Variants in TCF7L1 observed in about 807,000 individuals in gnomAD.
TCF7L1 encodes the protein transcription factor 7 like 1, also known as transcription factor 7-like 1.
Under a neutral mutation model 63.7 loss-of-function variants are expected in TCF7L1, and 18 were observed. That is an observed-to-expected ratio of 0.28 (90% confidence interval 0.20 to 0.42). The LOEUF (loss-of-function observed/expected upper bound fraction) is 0.42. TCF7L1 is among the 10% of genes least tolerant of loss of function. The pLI is 1.00. For missense variants in TCF7L1, 654 were observed against 779.3 expected (o/e 0.84, Z 1.91); for synonymous variants, 355 against 340.9 (o/e 1.04, Z -0.46).
In TCF7L1 at chr2:85,308,965, G is replaced by T; in HGVS notation, c.1334-64G>T. On this transcript the variant is annotated intron_variant, in intron 11 of 11. Transcript: ENST00000282111. ...CCAAAGCACATGTATCGCCAGGGCT[G>T]TTCCTCAGCCTCCTCCTCTCACAGA... 7.9e-6 allele frequency: 12 copies of T among 1,510,836 alleles called. 1 individual carries two copies. The South Asian group carries it at 1.4e-4, about 18-fold the overall frequency. The allele number at this position is 1,510,836 out of a possible 1,614,324, so 93.6% of individuals were successfully genotyped here. A position where few individuals can be genotyped will look rare whatever the true frequency, so the allele number is the denominator to read the frequency against.
chr2:85,162,809 T>C (rs964519513), intron 3 of TCF7L1, among the ~76,000 whole-genome samples: 3 of 152,178 alleles, frequency 2.0e-5, no homozygotes, highest in African/African-American at 7.2e-5. Flanking sequence ...ACCTTTGAGC[T>C]GCTGGCACGG....
At chr2:85,226,767 A>G (rs1282103823) in intron 3 of TCF7L1, among the ~76,000 whole-genome samples, 1 of 150,760 alleles carries the variant, frequency 6.6e-6, no homozygotes, top group Non-Finnish European at 1.5e-5. Context: ...GGATCACTGC[A>G]GTAGTGCCCC....
intron 4 of TCF7L1, among the ~76,000 whole-genome samples, chr2:85,286,086 G>T (rs1414873392): frequency 1.3e-5 from 2 of 151,718 alleles, no homozygotes; most frequent in Non-Finnish European, 2.9e-5. Context: ...AACTACTCAG[G>T]AGGCTGAGGC....
rs1231652482 is a variant in TCF7L1, at chr2:85,133,988, C to G, written c.250-28C>G. 4.4e-6 allele frequency: 7 copies of G among 1,602,668 alleles called. No homozygotes were observed. The highest frequency in any genetic ancestry group is 1.4e-5 in the African/African-American group (1 of 74,024). On this transcript the variant is annotated intron_variant, in intron 1 of 11. Coordinates refer to ENST00000282111, the MANE Select transcript of TCF7L1 (RefSeq NM_031283.3). This position sits in a 1 kb window ranked among gnomAD's most constrained non-coding sequence, Gnocchi z 4.4. ...GATCCCGGCCCTGCGTCCGCTCACC[C>G]GCTCTTGCCTTTGTGTCTCCTCCGC...
intron 3 of TCF7L1, among the ~76,000 whole-genome samples, chr2:85,264,241 G>A (rs966485475): frequency 3.1e-4 from 47 of 152,328 alleles, no homozygotes; most frequent in African/African-American, 8.9e-4. Context: ...TTAATTCAGC[G>A]TGTATCTGAG....
At chr2:85,246,063 A>G (rs1263831473) in intron 3 of TCF7L1, among the ~76,000 whole-genome samples, 1 of 151,918 alleles carries the variant, frequency 6.6e-6, no homozygotes, top group African/African-American at 2.4e-5. Flanking sequence ...ACTCAATGCA[A>G]TGGTGTTATT....
intron 3 of TCF7L1, among the ~76,000 whole-genome samples, chr2:85,212,534 T>C (rs1679589795): frequency 6.6e-6 from 1 of 152,130 alleles, no homozygotes; most frequent in Non-Finnish European, 1.5e-5. Context: ...AGCCTGGGGA[T>C]TGATGGACTT....
intron 3 of TCF7L1, among the ~76,000 whole-genome samples, chr2:85,199,125 G>T (rs990054146): frequency 6.6e-6 from 1 of 152,182 alleles, no homozygotes; most frequent in Non-Finnish European, 1.5e-5. Flanking sequence ...CCTACCACCT[G>T]TGCTGAGAGG....
chr2:85,182,986 A>G (rs377579104), intron 3 of TCF7L1, among the ~76,000 whole-genome samples: 10 of 152,196 alleles, frequency 6.6e-5, no homozygotes, highest in South Asian at 2.1e-4. Flanking sequence ...TCCCCGCTCT[A>G]GGGCTTCGTG....
At chr2:85,171,761 T>G (rs1463875775) in intron 3 of TCF7L1, among the ~76,000 whole-genome samples, 2 of 152,230 alleles carry the variant, frequency 1.3e-5, no homozygotes, top group African/African-American at 4.8e-5. Flanking sequence ...CCAAATAATT[T>G]GGACTCTCCA....
At chr2:85,259,199 T>C (rs986121017) in intron 3 of TCF7L1, among the ~76,000 whole-genome samples, 3 of 152,254 alleles carry the variant, frequency 2.0e-5, no homozygotes, top group African/African-American at 7.2e-5. Context: ...GCCGAGCCGC[T>C]GCAGACTGAT....
intron 3 of TCF7L1, among the ~76,000 whole-genome samples, chr2:85,141,945 A>T (rs1269452851): frequency 6.6e-6 from 1 of 152,314 alleles, no homozygotes; most frequent in East Asian, 1.9e-4. Context: ...TTTTGTTGGC[A>T]GTAGGGAGAC....
chr2:85,229,110 G>GC (rs1307995961), intron 3 of TCF7L1, among the ~76,000 whole-genome samples: 20 of 152,172 alleles, frequency 1.3e-4, no homozygotes, highest in African/African-American at 4.8e-4. Flanking sequence ...ACTTTGGGAG[G>GC]CTGAGGCGTG....
At chr2:85,159,165 G>A (rs958590113) in intron 3 of TCF7L1, among the ~76,000 whole-genome samples, 28 of 152,254 alleles carry the variant, frequency 1.8e-4, no homozygotes, top group African/African-American at 5.8e-4. Flanking sequence ...AGAGATTGGC[G>A]TTTGAGACAG....
At chr2:85,172,161 C>G (rs1678559478) in intron 3 of TCF7L1, among the ~76,000 whole-genome samples, 1 of 152,162 alleles carries the variant, frequency 6.6e-6, no homozygotes, top group African/African-American at 2.4e-5. Flanking sequence ...CACCTCACAT[C>G]CCACTCAGCC....
chr2:85,254,227 G>A (rs1340812250), intron 3 of TCF7L1, among the ~76,000 whole-genome samples: 1 of 152,284 alleles, frequency 6.6e-6, no homozygotes, highest in Non-Finnish European at 1.5e-5. Flanking sequence ...TGATGATGAA[G>A]TGATTCCTTA....
In TCF7L1 at chr2:85,134,193, T is replaced by G; in HGVS notation, c.313+114T>G. 6.7e-7 allele frequency: 1 copy of G among 1,496,088 alleles called. No homozygotes were observed. Among genetic ancestry groups the G allele is most frequent in the Non-Finnish European group, 8.9e-7 (1 of 1,118,726 alleles). 92.7% of individuals were successfully genotyped at this position (1,496,088 alleles called of 1,614,324 possible). ...GTGGACGCACCCTTGCCCTCCGCCT[T>G]TATTGGCGGCAGCCCCCGTGGGGCG... On this transcript the variant is annotated intron_variant, in intron 2 of 11. Transcript: ENST00000282111. This position sits in a 1 kb window ranked among gnomAD's most constrained non-coding sequence, Gnocchi z 5.0.
At chr2:85,248,688 C>T (rs1344258417) in intron 3 of TCF7L1, among the ~76,000 whole-genome samples, 2 of 152,160 alleles carry the variant, frequency 1.3e-5, no homozygotes, top group Admixed American at 1.3e-4. Flanking sequence ...AGATTGCTAG[C>T]GTTGTGCTTG....
At chr2:85,141,148 T>C (rs1677727870) in intron 3 of TCF7L1, among the ~76,000 whole-genome samples, 2 of 152,278 alleles carry the variant, frequency 1.3e-5, no homozygotes, top group African/African-American at 4.8e-5. Context: ...TGTCCGGGCA[T>C]GGTGGTAGCT....
Sources: allele counts gnomAD v4.1 joint callset (sites outside exome capture counted in the v4.1 genomes callset), GRCh38; gene constraint gnomAD v4.1.1; non-coding constraint Gnocchi (gnomAD v3.1); transcripts MANE v1.5; gene names NCBI Gene and HGNC (gene_info 2026-07-23, HGNC 2026-07-21).